Variants in SLC39A8 observed in about 807,000 individuals in gnomAD.
SLC39A8 encodes the protein solute carrier family 39 member 8.
In SLC39A8, 15 loss-of-function variants were observed where a neutral mutation model predicts 40.4. That is an observed-to-expected ratio of 0.37 (90% CI 0.25 to 0.57). The LOEUF (loss-of-function observed/expected upper bound fraction) is 0.57, where lower values mean the gene tolerates loss of function less well. Ranked by LOEUF, SLC39A8 falls within the 20% of genes least tolerant of loss-of-function variation. SLC39A8 has a pLI of 0.75. For synonymous variants in SLC39A8, 223 were observed against 221.6 expected (o/e 1.01, Z -0.06); for missense variants, 472 against 558.8 (o/e 0.84, Z 1.57).
At chr4:102,281,267 T>C (rs1031953664) in intron 6 of SLC39A8, among the ~76,000 whole-genome samples, 3 of 152,166 alleles carry the variant, frequency 2.0e-5, no homozygotes, top group African/African-American at 7.2e-5. Context: ...TCCTTAAAAG[T>C]AGTGTTTCCA....
intron 6 of SLC39A8, among the ~76,000 whole-genome samples, chr4:102,300,783 T>C (rs1339699913): frequency 6.6e-6 from 1 of 151,788 alleles, no homozygotes; most frequent in African/African-American, 2.4e-5. Flanking sequence ...ATTATTTTTA[T>C]AATATAAAAT....
At position 102,263,085 on chromosome 4, in the gene SLC39A8, G is replaced by C. The variant is rs753110864; in HGVS notation, c.1342C>G (p.Leu448Val). ...TCTCCTGCATACAAGGTAATGAGTA[G>C]AATGGCTGTGAATCCAGTTAACATT... ...AGMLTGFTAI[L>V]LITLYAGEIE... Residue 448 changes from leucine to valine, a missense_variant, in exon 9 of 9, where the codon CTA becomes GTA. By Grantham distance (32) the Leu-to-Val change is conservative. Around this residue, in one of 4 missense-constraint regions of SLC39A8, gnomAD observed 50 missense variants for 50.5 expected, o/e 0.99. Transcript: ENST00000356736. 3 of 1,613,566 alleles carry C rather than the reference G, an allele frequency of 1.9e-6. No homozygotes were observed. Among genetic ancestry groups the C allele is most frequent in the Admixed American group, 1.7e-5 (1 of 60,008 alleles).
chr4:102,296,580 C>T (rs1733685732), intron 6 of SLC39A8, among the ~76,000 whole-genome samples: 1 of 152,010 alleles, frequency 6.6e-6, no homozygotes, highest in African/African-American at 2.4e-5. Flanking sequence ...AATCTTTGCT[C>T]CTCATTTAAC....
chr4:102,304,637 T>G lies in SLC39A8; in HGVS notation c.676-156A>C, dbSNP rs1734072459. ...TTTTAGATATATAAAATTTCTCTTT[T>G]TTACATGTATTTTCATTTATTAGAT... is the stretch of plus-strand genomic sequence containing the variant. On this transcript the variant is annotated intron_variant, in intron 5 of 8. Transcript: ENST00000356736. 3 of 624,354 alleles carry G rather than the reference T, an allele frequency of 4.8e-6. No homozygotes were observed. In the South Asian group the frequency reaches 8.4e-5, roughly 17 times the overall value. The allele number at this position is 624,354 out of a possible 1,614,324, so 38.7% of individuals were successfully genotyped here. A position where few individuals can be genotyped will look rare whatever the true frequency, so the allele number is the denominator to read the frequency against.
intron 4 of SLC39A8, among the ~76,000 whole-genome samples, chr4:102,306,836 T>C (rs74877665): frequency 0.013 from 1,964 of 152,186 alleles, 12 homozygotes; most frequent in Middle Eastern, 0.027. Context: ...ATAAATTGAA[T>C]AGTGTGCACT....
chr4:102,344,325 T>C (rs1286059603), intron 2 of SLC39A8, 119 bp downstream of exon 2: 1 of 690,730 alleles, frequency 1.4e-6, no homozygotes, highest in Admixed American at 3.8e-5. Context: ...CGCCTTCTAC[T>C]TGAGAAATAT....
chr4:102,311,751 C>T (rs574264600), intron 3 of SLC39A8, among the ~76,000 whole-genome samples: 1 of 152,082 alleles, frequency 6.6e-6, no homozygotes, highest in South Asian at 2.1e-4. Context: ...TGTGAGGCCT[C>T]TGAGAAATTT....
rs1237688526 is a variant in SLC39A8, at chr4:102,263,047, C to A, written c.1380G>T (p.Glu460Asp). The A allele has an allele frequency of 6.2e-7, 1 of 1,605,450 alleles. No homozygotes were observed. The highest frequency in any genetic ancestry group is 1.7e-5 in the Admixed American group (1 of 59,286). ...CAACACCATCTTCCATTTTCTATTACTCCAATTCGATTTCTCCTGCATACA... is the reference window on the plus strand; with the variant it reads ...CAACACCATCTTCCATTTTCTATTAATCCAATTCGATTTCTCCTGCATACA... ...ITLYAGEIEL[E>D] is the part of the protein sequence containing the mutation. The change falls in exon 9 of 9, where the codon GAG (glutamate) becomes GAT (aspartate). Residue 460 changes from glutamate (E) to aspartate (D), a missense_variant. Coordinates refer to ENST00000356736, the MANE Select transcript of SLC39A8 (RefSeq NM_001135146.2).
chr4:102,279,454 C>G (rs984310282), intron 6 of SLC39A8, among the ~76,000 whole-genome samples: 24 of 152,304 alleles, frequency 1.6e-4, no homozygotes, highest in African/African-American at 5.3e-4. Flanking sequence ...CCTCTTAGTA[C>G]TCCCTTCCCG....
chr4:102,267,440 T>C (rs1473405113), intron 8 of SLC39A8, 50 bp downstream of exon 8: 1 of 1,504,328 alleles, frequency 6.6e-7, no homozygotes, highest in African/African-American at 1.4e-5. Context: ...ATCCAGATAC[T>C]CATTTCCAAA....
At chr4:102,293,597 GA>G (rs962148595) in intron 6 of SLC39A8, among the ~76,000 whole-genome samples, 2 of 151,736 alleles carry the variant, frequency 1.3e-5, no homozygotes, top group Admixed American at 6.6e-5. Flanking sequence ...AAAACAGTAG[GA>G]AAAAAGTTAT....
chr4:102,330,198 C>CA (rs550990479), intron 2 of SLC39A8, among the ~76,000 whole-genome samples: 7 of 151,694 alleles, frequency 4.6e-5, no homozygotes, highest in Non-Finnish European at 7.4e-5. Flanking sequence ...GACAGAGGCA[C>CA]AAAAAAACCC....
At chr4:102,263,231 C>G (rs1350569919) in intron 8 of SLC39A8, 38 bp from the exon 9 acceptor site, 2 of 1,581,536 alleles carry the variant, frequency 1.3e-6, no homozygotes, top group Non-Finnish European at 1.7e-6. Context: ...CTGTTGCCAT[C>G]TTGTGGCAAA....
intron 2 of SLC39A8, among the ~76,000 whole-genome samples, chr4:102,338,007 T>G (rs1444914562): frequency 6.6e-6 from 1 of 152,124 alleles, no homozygotes; most frequent in Non-Finnish European, 1.5e-5. Context: ...GAGTTATAAC[T>G]TTTCCATGAG....
At chr4:102,281,476 A>G (rs746502202) in intron 6 of SLC39A8, among the ~76,000 whole-genome samples, 3 of 152,154 alleles carry the variant, frequency 2.0e-5, no homozygotes, top group Non-Finnish European at 2.9e-5. Context: ...ACTCACCTGC[A>G]AAAAAAGAGA....
chr4:102,325,709 GT>G (rs1262592012), intron 2 of SLC39A8, among the ~76,000 whole-genome samples: 1 of 152,058 alleles, frequency 6.6e-6, no homozygotes, highest in Admixed American at 6.5e-5. Context: ...ATCTGCCAAA[GT>G]TTTTAACAAT....
chr4:102,255,289 A>C (rs1044224093), intron 11 of SLC39A8, among the ~76,000 whole-genome samples: 1 of 152,220 alleles, frequency 6.6e-6, no homozygotes, highest in Non-Finnish European at 1.5e-5. Context: ...AGTTAAAGCC[A>C]AAAAGGACAT....
At chr4:102,264,853 T>A (rs1214725639) in intron 8 of SLC39A8, among the ~76,000 whole-genome samples, 1 of 152,250 alleles carries the variant, frequency 6.6e-6, no homozygotes, top group African/African-American at 2.4e-5. Flanking sequence ...TGTCCAGTTT[T>A]TCTTCTGCAG....
chr4:102,274,470 G>A (rs571605562), intron 6 of SLC39A8, among the ~76,000 whole-genome samples: 45 of 152,292 alleles, frequency 3.0e-4, no homozygotes, highest in African/African-American at 8.9e-4. Context: ...CCAAACCTAC[G>A]TTTGATTGGT....
Sources: gnomAD v4.1 joint callset for allele counts (sites outside exome capture counted in the v4.1 genomes callset) on GRCh38, gnomAD v4.1.1 for gene constraint, gnomAD v4.1.1 regional missense constraint, MANE v1.5 for transcripts, NCBI Gene and HGNC (gene_info 2026-07-23, HGNC 2026-07-21) for gene names.